Variants in GPR39 observed in about 807,000 individuals in gnomAD.
The protein encoded by GPR39 is zinc sensing receptor.
A neutral mutation model predicts 18.4 loss-of-function variants in GPR39; 23 were observed. That is an observed-to-expected ratio of 1.25 (90% confidence interval 0.90 to 1.77). The LOEUF (loss-of-function observed/expected upper bound fraction) is 1.77, where lower values mean the gene tolerates loss of function less well. GPR39 is among the 40% of genes most tolerant of loss of function. The probability of loss-of-function intolerance (pLI) is 0.00; values close to 1 mark genes in which losing one functional copy is unlikely to be tolerated. For synonymous variants in GPR39, 280 were observed against 257.9 expected (o/e 1.09, Z -0.82); for missense variants, 647 against 602.4 (o/e 1.07, Z -0.78).
At chr2:132,612,177 C>T (rs1324414644) in intron 1 of GPR39, among the ~76,000 whole-genome samples, 3 of 152,168 alleles carry the variant, frequency 2.0e-5, no homozygotes, top group Non-Finnish European at 4.4e-5. Flanking sequence ...TTAATCTTTT[C>T]ACCTTGCTCA....
intron 1 of GPR39, among the ~76,000 whole-genome samples, chr2:132,570,600 A>G (rs1680425230): frequency 6.6e-6 from 1 of 152,174 alleles, no homozygotes; most frequent in Admixed American, 6.5e-5. Flanking sequence ...AAAACAAGAC[A>G]CATGAAAAGG....
chr2:132,573,791 G>T (rs2104816713), intron 1 of GPR39, among the ~76,000 whole-genome samples: 1 of 152,208 alleles, frequency 6.6e-6, no homozygotes, highest in Admixed American at 6.5e-5. Flanking sequence ...GTAATAGGAA[G>T]AAAAGAATTA....
At chr2:132,514,573 C>A (rs752590931) in intron 1 of GPR39, among the ~76,000 whole-genome samples, 2 of 152,226 alleles carry the variant, frequency 1.3e-5, no homozygotes, top group African/African-American at 2.4e-5. Context: ...CTTACAGTCC[C>A]CAGCCCATTG....
chr2:132,575,208 AG>A (rs1411037580), intron 1 of GPR39, among the ~76,000 whole-genome samples: 4 of 152,234 alleles, frequency 2.6e-5, no homozygotes, highest in Non-Finnish European at 4.4e-5. Context: ...CATATAAAAA[AG>A]TTAAGGACTT....
At chr2:132,537,606 G>T (rs1265272804) in intron 1 of GPR39, among the ~76,000 whole-genome samples, 3 of 151,810 alleles carry the variant, frequency 2.0e-5, no homozygotes, top group Non-Finnish European at 4.4e-5. Flanking sequence ...CTAGCTTGGG[G>T]AAGTTCTCCT....
At chr2:132,432,645 G>A (rs1019960362) in intron 1 of GPR39, among the ~76,000 whole-genome samples, 1 of 152,058 alleles carries the variant, frequency 6.6e-6, no homozygotes, top group African/African-American at 2.4e-5. Flanking sequence ...TGGTATTCTC[G>A]GAGGACATTT....
At chr2:132,427,424 G>C (rs903052844) in intron 1 of GPR39, among the ~76,000 whole-genome samples, 2 of 150,446 alleles carry the variant, frequency 1.3e-5, no homozygotes, top group Non-Finnish European at 3.0e-5. Flanking sequence ...ACCTCCCAAA[G>C]TGCTGGGATT....
chr2:132,474,207 C>A (rs1387487166), intron 1 of GPR39, among the ~76,000 whole-genome samples: 1 of 152,166 alleles, frequency 6.6e-6, no homozygotes, highest in African/African-American at 2.4e-5. Context: ...CAAATGTTTT[C>A]TTTGGGGTGA....
rs1172559482 is a variant in GPR39, at chr2:132,645,549, A to T, written c.1305A>T (p.Ser435=). The T allele has an allele frequency of 6.2e-7, 1 of 1,614,030 alleles. No individual in the cohort carries two copies. Among genetic ancestry groups the T allele is most frequent in the Non-Finnish European group, 8.5e-7 (1 of 1,180,018 alleles). The change falls in exon 2 of 2, where the codon TCA becomes TCT. Residue 435 remains serine (S), a synonymous_variant. Coordinates refer to ENST00000329321, the MANE Select transcript of GPR39 (RefSeq NM_001508.3). The part of the protein sequence containing the change: ...SLSLESLEPN[S]GAKPANSAAE... ...GTCTCGAGTCACTAGAGCCCAACTC[A>T]GGCGCGAAACCAGCCAATTCTGCTG...
intron 1 of GPR39, among the ~76,000 whole-genome samples, chr2:132,504,139 A>C (rs1075655): frequency 1.3e-4 from 19 of 151,950 alleles, no homozygotes; most frequent in Non-Finnish European, 2.5e-4. Context: ...ATGTTCCTGC[A>C]GTCGTTTTTG....
chr2:132,517,286 G>T (rs1174541534), intron 1 of GPR39, among the ~76,000 whole-genome samples: 2 of 152,040 alleles, frequency 1.3e-5, no homozygotes, highest in Non-Finnish European at 2.9e-5. Context: ...AAAAATAGTT[G>T]CCATTTTGGG....
At chr2:132,536,146 C>A (rs897582731) in intron 1 of GPR39, among the ~76,000 whole-genome samples, 1 of 151,930 alleles carries the variant, frequency 6.6e-6, no homozygotes, top group Non-Finnish European at 1.5e-5. Flanking sequence ...TTCTGTAGTT[C>A]TTTTAATTGT....
At chr2:132,515,789 C>T (rs1679322595) in intron 1 of GPR39, among the ~76,000 whole-genome samples, 1 of 152,128 alleles carries the variant, frequency 6.6e-6, no homozygotes. Flanking sequence ...GAATGTCACA[C>T]AGAAGCCAAG....
intron 1 of GPR39, among the ~76,000 whole-genome samples, chr2:132,615,398 C>T (rs1334572499): frequency 6.6e-6 from 1 of 152,190 alleles, no homozygotes; most frequent in Non-Finnish European, 1.5e-5. Flanking sequence ...GCGTGCCTTC[C>T]TCGCAGGCAT....
At chr2:132,497,984 G>T (rs942876874) in intron 1 of GPR39, among the ~76,000 whole-genome samples, 8 of 152,164 alleles carry the variant, frequency 5.3e-5, no homozygotes, top group African/African-American at 1.9e-4. Context: ...ATTTATCATT[G>T]AATCTGCATC....
chr2:132,555,411 G>A (rs533667416), intron 1 of GPR39, among the ~76,000 whole-genome samples: 2 of 152,322 alleles, frequency 1.3e-5, no homozygotes, highest in Admixed American at 6.5e-5. Context: ...AAGTCAGTGT[G>A]GGCCGCAGTC....
intron 1 of GPR39, among the ~76,000 whole-genome samples, chr2:132,505,158 T>C (rs1420614270): frequency 6.6e-6 from 1 of 152,192 alleles, no homozygotes; most frequent in Non-Finnish European, 1.5e-5. Flanking sequence ...TTCTTGTTAG[T>C]AGGGACTCTG....
rs1681922982 is a variant in GPR39, at chr2:132,643,852, AT to A, written c.857-1248del. Among the ~76,000 whole-genome samples the A allele has an allele frequency of 2.6e-5, 4 of 152,354 alleles. No homozygotes were observed. The South Asian group carries it at 8.3e-4, about 32-fold the overall frequency. ...ATTAATAGAATATTTACCATGGGTC[AT>A]AGGCAGGAAGCATTCATTGCCAACT... On this transcript the variant is annotated intron_variant, in intron 1 of 1. Transcript: ENST00000329321.
At chr2:132,639,903 GA>G (rs1009912549) in intron 1 of GPR39, among the ~76,000 whole-genome samples, 5 of 151,836 alleles carry the variant, frequency 3.3e-5, no homozygotes, top group African/African-American at 9.7e-5. Flanking sequence ...TCTAAAGCTG[GA>G]AAAAAACCCT....
Sources: allele counts gnomAD v4.1 joint callset (sites outside exome capture counted in the v4.1 genomes callset), GRCh38; gene constraint gnomAD v4.1.1; transcripts MANE v1.5; gene names NCBI Gene and HGNC (gene_info 2026-07-23, HGNC 2026-07-21).